The following PRUNE2 variants were observed in gnomAD, a reference collection of about 807,000 sequenced individuals.
The protein encoded by PRUNE2 is protein prune homolog 2.
PRUNE2 carries 164 observed loss-of-function variants against 252.0 expected under a neutral mutation model. The observed-to-expected ratio is 0.65, with a 90% CI of 0.57 to 0.74. The LOEUF (loss-of-function observed/expected upper bound fraction) is 0.74, where lower values mean the gene tolerates loss of function less well. PRUNE2 is among the 30% of genes least tolerant of loss of function. PRUNE2 has a pLI of 0.00. For missense variants in PRUNE2, 3,495 were observed against 3,711.0 expected (o/e 0.94, Z 1.51); for synonymous variants, 1,292 against 1,350.2 (o/e 0.96, Z 0.94).
rs915962131 is a variant in PRUNE2, at chr9:76,659,356, C to T, written c.8277-3854G>A. ...TTCATATTGACAGTAAATATCTTTA[C>T]GTCTGGATTGCTAAAGCATCAAAGC... On this transcript the variant is annotated intron_variant, in intron 9 of 18. Coordinates refer to ENST00000376718, the MANE Select transcript of PRUNE2 (RefSeq NM_015225.3). Among the ~76,000 whole-genome samples the T allele has an allele frequency of 1.6e-4, 25 of 152,250 alleles. No homozygotes were observed. The South Asian group carries it at 2.1e-3, about 13-fold the overall frequency.
intron 6 of PRUNE2, among the ~76,000 whole-genome samples, chr9:76,742,380 G>A (rs550270287): frequency 1.3e-5 from 2 of 152,286 alleles, no homozygotes; most frequent in East Asian, 3.9e-4. Context: ...TTGAGATGTT[G>A]AGAAGGGAGG....
chr9:76,813,858 C>T (rs2057517711), intron 6 of PRUNE2, among the ~76,000 whole-genome samples: 1 of 152,044 alleles, frequency 6.6e-6, no homozygotes, highest in African/African-American at 2.4e-5. Flanking sequence ...TCTCTGTCAC[C>T]CAGGCTGGAG....
chr9:76,625,828 C>T (rs1372677168), intron 16 of PRUNE2, among the ~76,000 whole-genome samples: 1 of 151,952 alleles, frequency 6.6e-6, no homozygotes, highest in Admixed American at 6.6e-5. Flanking sequence ...GCCTTTTTTT[C>T]CGCTCATTTT....
chr9:76,733,869 T>G (rs1332670928), intron 6 of PRUNE2: 6 of 152,158 alleles, frequency 3.9e-5, no homozygotes, highest in Admixed American at 3.9e-4. Context: ...TGCTACTGAC[T>G]TTGTGATCCA....
intron 4 of PRUNE2, among the ~76,000 whole-genome samples, chr9:76,844,348 C>T (rs1462299904): frequency 6.6e-6 from 1 of 152,054 alleles, no homozygotes; most frequent in African/African-American, 2.4e-5. Context: ...AGGTCTGGGA[C>T]CTCCCCAGTC....
At chr9:76,663,903 T>C (rs537847276) in intron 9 of PRUNE2, among the ~76,000 whole-genome samples, 1 of 152,328 alleles carries the variant, frequency 6.6e-6, no homozygotes, top group South Asian at 2.1e-4. Context: ...GAGGGGCATA[T>C]ACTTATTTAG....
rs1270886517 is a variant in PRUNE2 at position 76,613,315 on chromosome 9, T to G, written c.*1255A>C. The G allele has an allele frequency of 1.3e-5, 2 of 152,202 alleles. No individual in the cohort carries two copies. The highest frequency in any genetic ancestry group is 4.8e-5 in the African/African-American group (2 of 41,446). 9.4% of individuals were successfully genotyped at this position (152,202 alleles called of 1,614,324 possible). A position where few individuals can be genotyped will look rare whatever the true frequency, so the allele number is the denominator to read the frequency against. On this transcript the variant is annotated 3_prime_UTR_variant, in exon 19 of 19. Coordinates refer to ENST00000376718, the MANE Select transcript of PRUNE2 (RefSeq NM_015225.3). The stretch of plus-strand genomic sequence containing the variant: ...TTTTCTGTAAACATAGTCAATGTTT[T>G]AGGCATTGTGGGACATACGGTCTGC...
At chr9:76,903,745 G>T (rs2063320152) in intron 1 of PRUNE2, among the ~76,000 whole-genome samples, 1 of 151,966 alleles carries the variant, frequency 6.6e-6, no homozygotes, top group Non-Finnish European at 1.5e-5. Context: ...ACGCCACCAT[G>T]CCTGGCTAAC....
intron 1 of PRUNE2, among the ~76,000 whole-genome samples, chr9:76,886,550 G>A (rs1218070026): frequency 6.6e-6 from 1 of 152,156 alleles, no homozygotes; most frequent in African/African-American, 2.4e-5. Context: ...CAGAAGCCTG[G>A]AGGCCTCTCC....
rs1483781199 is a variant in PRUNE2 at position 76,611,886 on chromosome 9, A to G, written c.*2684T>C. On this transcript the variant is annotated 3_prime_UTR_variant, in exon 19 of 19. Transcript: ENST00000376718. Reference sequence around the variant, plus strand: ...TTTGAGAAACAATGCTTTTGCCCCAATGACCCCTTGGTTCCCTTAACTACA... The same window carrying G: ...TTTGAGAAACAATGCTTTTGCCCCAGTGACCCCTTGGTTCCCTTAACTACA... 6.6e-6 allele frequency: 1 copy of G among 152,624 alleles called. No homozygotes were observed. The highest frequency in any genetic ancestry group is 1.5e-5 in the Non-Finnish European group (1 of 68,038). 9.5% of individuals were successfully genotyped at this position (152,624 alleles called of 1,614,324 possible).
chr9:76,632,804 T>G (rs1429682150), intron 15 of PRUNE2, among the ~76,000 whole-genome samples: 1 of 152,186 alleles, frequency 6.6e-6, no homozygotes, highest in Non-Finnish European at 1.5e-5. Flanking sequence ...CAAGCAATCC[T>G]CCTGCTTCAG....
At chr9:76,757,804 G>A (rs964724527) in intron 6 of PRUNE2, among the ~76,000 whole-genome samples, 2 of 152,100 alleles carry the variant, frequency 1.3e-5, no homozygotes, top group East Asian at 3.9e-4. Context: ...TGTACATGGT[G>A]GCATGCATCT....
rs1163205952 is a variant in PRUNE2 at position 76,713,658 on chromosome 9, C to T, written c.820G>A (p.Asp274Asn). The change falls in exon 7 of 19, where the codon GAT becomes AAT. Residue 274 changes from aspartate (D) to asparagine (N), a missense_variant. Transcript: ENST00000376718. ...TAGCTGGAGAACAGGATGAGGACAT[C>T]AAAACCAAACTTGTCTGTAAATGCT... is the stretch of plus-strand genomic sequence containing the variant. ...LKAFTDKFGF[D>N]VLILFSSYLS... The T allele has an allele frequency of 6.2e-7, 1 of 1,600,872 alleles. No individual in the cohort carries two copies. Among genetic ancestry groups the T allele is most frequent in the Non-Finnish European group, 8.5e-7 (1 of 1,173,336 alleles).
intron 10 of PRUNE2, among the ~76,000 whole-genome samples, chr9:76,653,290 G>C (rs1400933964): frequency 6.6e-6 from 1 of 152,124 alleles, no homozygotes; most frequent in East Asian, 1.9e-4. Context: ...ATATCCATAA[G>C]GGATTGATTC....
intron 6 of PRUNE2, among the ~76,000 whole-genome samples, chr9:76,732,432 C>A (rs1022818626): frequency 5.3e-5 from 8 of 152,234 alleles, no homozygotes; most frequent in African/African-American, 1.9e-4. Flanking sequence ...GCCCTTACCA[C>A]CCACGCACAT....
At chr9:76,853,927 T>C (rs2060101358) in intron 2 of PRUNE2, among the ~76,000 whole-genome samples, 177 bp downstream of exon 2, 2 of 152,194 alleles carry the variant, frequency 1.3e-5, no homozygotes, top group African/African-American at 4.8e-5. Flanking sequence ...GCCTAACATA[T>C]AGTAGGTGCC....
intron 1 of PRUNE2, among the ~76,000 whole-genome samples, chr9:76,880,083 G>C (rs1564494592): frequency 6.6e-6 from 1 of 150,760 alleles, no homozygotes; most frequent in Admixed American, 6.6e-5. Flanking sequence ...CCGGCTAATT[G>C]TTTGTATTTT....
chr9:76,639,213 C>T (rs980599418), intron 12 of PRUNE2, among the ~76,000 whole-genome samples: 3 of 152,152 alleles, frequency 2.0e-5, no homozygotes, highest in Non-Finnish European at 4.4e-5. Context: ...ACAGCCAGGC[C>T]GGGCGCCATG....
intron 6 of PRUNE2, among the ~76,000 whole-genome samples, chr9:76,774,465 T>TATTTATTATTTATTTATTTATTTA (rs761395945): frequency 7.3e-6 from 1 of 136,864 alleles, no homozygotes; most frequent in African/African-American, 2.8e-5. Context: ...TTTTTTTTTT[T>TATTTATTATTTATTTATTTATTTA]TTTTTTTTTT....
Sources: gnomAD v4.1 joint callset for allele counts (sites outside exome capture counted in the v4.1 genomes callset) on GRCh38, gnomAD v4.1.1 for gene constraint, MANE v1.5 for transcripts, NCBI Gene and HGNC (gene_info 2026-07-23, HGNC 2026-07-21) for gene names.